NPAS2: variants seen among roughly 807,000 people sequenced by gnomAD.
NPAS2 encodes the protein neuronal PAS domain protein 2.
In NPAS2, 23 loss-of-function variants were observed where a neutral mutation model predicts 107.5. The ratio of observed to expected loss-of-function variants is 0.21; its 90% CI spans 0.15 to 0.30. The LOEUF (loss-of-function observed/expected upper bound fraction) is 0.30. Among genes scored for constraint, NPAS2 ranks in the 10% least tolerant of loss-of-function variants. NPAS2 has a pLI of 1.00. For synonymous variants in NPAS2, 403 were observed against 417.5 expected (o/e 0.97, Z 0.42); for missense variants, 756 against 1,043.3 (o/e 0.72, Z 3.79).
intron 15 of NPAS2, among the ~76,000 whole-genome samples, chr2:100,979,078 G>A (rs1176835052): frequency 1.3e-5 from 2 of 152,122 alleles, no homozygotes; most frequent in Admixed American, 6.5e-5. Context: ...AAACTATTTC[G>A]GAACATATGC....
rs184556687 is a variant in NPAS2, at chr2:100,850,983, A to G, written c.-23+30569A>G. 3.6e-4 allele frequency among the ~76,000 whole-genome samples: 50 copies of G among 140,110 alleles called. 1 individual carries two copies. The East Asian group carries it at 6.8e-3, about 19-fold the overall frequency. The allele number at this position is 140,110 out of a possible 152,430, so 91.9% of individuals were successfully genotyped here. A position where few individuals can be genotyped will look rare whatever the true frequency, so the allele number is the denominator to read the frequency against. ...AAAAAAAAAAAAAAAAAAAAAAAGG[A>G]AGGACATTCTGACCCATGCTACCAC... is the stretch of plus-strand genomic sequence containing the variant. On this transcript the variant is annotated intron_variant, in intron 1 of 20. Transcript: ENST00000335681.
intron 1 of NPAS2, among the ~76,000 whole-genome samples, chr2:100,832,314 T>G (rs138570888): frequency 7.2e-5 from 11 of 152,234 alleles, no homozygotes; most frequent in Middle Eastern, 3.4e-3. Context: ...GGCAGGTCAT[T>G]CATCATCCTT....
intron 1 of NPAS2, among the ~76,000 whole-genome samples, chr2:100,872,147 G>A (rs2104578210): frequency 6.6e-6 from 1 of 152,330 alleles, no homozygotes; most frequent in East Asian, 1.9e-4. Context: ...CAGCAAGTGT[G>A]TTTTGTGTAA....
chr2:100,854,125 C>T (rs571424774), intron 1 of NPAS2, among the ~76,000 whole-genome samples: 2 of 135,330 alleles, frequency 1.5e-5, no homozygotes, highest in African/African-American at 2.8e-5. Context: ...ACTCCAGCCT[C>T]GACAACAGGC....
At chr2:100,910,844 C>T (rs1682501248) in intron 2 of NPAS2, among the ~76,000 whole-genome samples, 2 of 152,110 alleles carry the variant, frequency 1.3e-5, no homozygotes, top group South Asian at 4.1e-4. Context: ...CTTCTTCTTA[C>T]ACCAAACTTC....
At chr2:100,853,178 GA>G (rs1431004674) in intron 1 of NPAS2, among the ~76,000 whole-genome samples, 1 of 152,138 alleles carries the variant, frequency 6.6e-6, no homozygotes, top group East Asian at 1.9e-4. Flanking sequence ...GGAGTGTATC[GA>G]TCAAACACCA....
chr2:100,980,538 C>T (rs750037293), intron 15 of NPAS2, among the ~76,000 whole-genome samples: 2 of 151,976 alleles, frequency 1.3e-5, no homozygotes, highest in Admixed American at 6.6e-5. Context: ...TGTGCAATCT[C>T]GGCTCACTGC....
intron 1 of NPAS2, among the ~76,000 whole-genome samples, chr2:100,857,796 A>G (rs1203785060): frequency 8.3e-6 from 1 of 120,582 alleles, no homozygotes; most frequent in Non-Finnish European, 2.1e-5. Flanking sequence ...TTCTCACCAA[A>G]TGACTCTTTG....
At chr2:100,827,497 T>TGTA (rs1280151626) in intron 1 of NPAS2, among the ~76,000 whole-genome samples, 1 of 152,182 alleles carries the variant, frequency 6.6e-6, no homozygotes, top group Non-Finnish European at 1.5e-5. Context: ...CAGGTACTGA[T>TGTA]GTAGTACCCA....
intron 2 of NPAS2, among the ~76,000 whole-genome samples, chr2:100,916,048 T>G (rs1367005530): frequency 6.6e-6 from 1 of 152,140 alleles, no homozygotes; most frequent in Non-Finnish European, 1.5e-5. Context: ...GACAAGTTTG[T>G]ATATTACAGT....
chr2:100,884,816 ATAT>A (rs1312320288), intron 1 of NPAS2, among the ~76,000 whole-genome samples: 1 of 152,134 alleles, frequency 6.6e-6, no homozygotes, highest in Admixed American at 6.5e-5. Context: ...AAGGGAGAAA[ATAT>A]TAGTATTTCT....
chr2:100,980,262 G>A (rs895875443), intron 15 of NPAS2, among the ~76,000 whole-genome samples: 1 of 152,150 alleles, frequency 6.6e-6, no homozygotes, highest in Non-Finnish European at 1.5e-5. Context: ...TCCACTGCAG[G>A]TGGAAGGGGC....
At chr2:100,887,953 G>A (rs182390365) in intron 1 of NPAS2, among the ~76,000 whole-genome samples, 92 of 152,352 alleles carry the variant, frequency 6.0e-4, no homozygotes, top group South Asian at 5.2e-3. Context: ...ATCCAGAGGG[G>A]CTGGGCAGAG....
At chr2:100,822,645 G>C (rs1176401619) in intron 1 of NPAS2, 4 of 152,034 alleles carry the variant, frequency 2.6e-5, no homozygotes, top group Admixed American at 2.6e-4. Context: ...TCAGAGTCTT[G>C]CTTTTGAATC....
At chr2:100,962,758 G>C (rs902706131) in intron 7 of NPAS2, 4 of 152,234 alleles carry the variant, frequency 2.6e-5, no homozygotes, top group African/African-American at 9.6e-5. Context: ...GGCCCAGAAG[G>C]TCAGTCCGTT....
chr2:100,932,467 A>T (rs1684022015), intron 3 of NPAS2, among the ~76,000 whole-genome samples: 1 of 152,236 alleles, frequency 6.6e-6, no homozygotes, highest in Admixed American at 6.5e-5. Flanking sequence ...CACACGCCTA[A>T]GGTGTTTCTG....
At chr2:100,879,513 T>C (rs1680200833) in intron 1 of NPAS2, among the ~76,000 whole-genome samples, 1 of 152,164 alleles carries the variant, frequency 6.6e-6, no homozygotes, top group Non-Finnish European at 1.5e-5. Context: ...CTTCCATCCG[T>C]CCCAAACCCC....
intron 7 of NPAS2, among the ~76,000 whole-genome samples, chr2:100,960,285 G>A (rs1244356045): frequency 3.9e-5 from 6 of 152,030 alleles, no homozygotes; most frequent in Admixed American, 1.3e-4. Context: ...GCACGAGGCC[G>A]GGCACGGTGG....
chr2:100,910,552 T>A (rs1682480428), intron 2 of NPAS2, among the ~76,000 whole-genome samples: 1 of 147,638 alleles, frequency 6.8e-6, no homozygotes, highest in Non-Finnish European at 1.5e-5. Flanking sequence ...AGACAGAGAC[T>A]CTGTCTCACT....
Sources: gnomAD v4.1 joint callset for allele counts (sites outside exome capture counted in the v4.1 genomes callset) on GRCh38, gnomAD v4.1.1 for gene constraint, MANE v1.5 for transcripts, NCBI Gene and HGNC (gene_info 2026-07-23, HGNC 2026-07-21) for gene names.